Variants in RBM44 observed in about 807,000 individuals in gnomAD.
RBM44 encodes the protein RNA-binding protein 44.
A neutral mutation model predicts 105.1 loss-of-function variants in RBM44; 66 were observed. That is an observed-to-expected ratio of 0.63 (90% confidence interval 0.52 to 0.77). The LOEUF is 0.77. Among genes scored for constraint, RBM44 ranks in the 30% least tolerant of loss-of-function variants. The pLI, the probability that RBM44 is intolerant of heterozygous loss-of-function variation, is 0.00. For missense variants in RBM44, 1,122 were observed against 1,207.8 expected, an observed-to-expected ratio of 0.93 and a Z score of 1.05; for synonymous variants, 365 against 417.6, an observed-to-expected ratio of 0.87 and a Z score of 1.54.
At chr2:237,821,880 TAAA>T in intron 8 of RBM44, 53 bp downstream of exon 8, 4 of 1,197,644 alleles carry the variant, frequency 3.3e-6, no homozygotes, top group Non-Finnish European at 4.9e-6. Context: ...ATGGTTTACG[TAAA>T]GTAAATCATA....
At chr2:237,839,613 C>A (rs906902597) in intron 15 of RBM44, among the ~76,000 whole-genome samples, 1 of 152,092 alleles carries the variant, frequency 6.6e-6, no homozygotes, top group African/African-American at 2.4e-5. Flanking sequence ...TGAAGTTGGA[C>A]CTTTACCTTA....
rs2061816076 is a variant in RBM44 at position 237,823,508 on chromosome 2, T to C, written c.2274T>C (p.Asn758=). ...CACCCAAGAAAGATGACTTTAAAAA[T>C]GGTGATATAAATGCAGACTTTAGTC... ...NISPKKDDFK[N]GDINADFSQL... is the part of the protein sequence containing the mutation. Residue 758 remains asparagine, a synonymous_variant, in exon 9 of 16, where the codon AAT becomes AAC. Transcript: ENST00000316997. 1.3e-6 allele frequency: 2 copies of C among 1,542,494 alleles called. No homozygotes were observed. Among genetic ancestry groups the C allele is most frequent in the Non-Finnish European group, 1.8e-6 (2 of 1,137,166 alleles).
intron 4 of RBM44, among the ~76,000 whole-genome samples, chr2:237,819,401 G>A (rs1193808580): frequency 6.6e-6 from 1 of 152,080 alleles, no homozygotes; most frequent in African/African-American, 2.4e-5. Context: ...TCAGAACACA[G>A]TGGAGAACCA....
At position 237,818,978 on chromosome 2, in the gene RBM44, C is replaced by G; in HGVS notation, c.1736+19C>G. ...CTGAGAGGTACATCATTTATATATG[C>G]TTACAGATACATCTGGAAGAAAAAA... On this transcript the variant is annotated intron_variant, in intron 4 of 15. Coordinates refer to ENST00000316997, the MANE Select transcript of RBM44 (RefSeq NM_001080504.3). The surrounding 1 kb of genome is among the most constrained non-coding windows in gnomAD (Gnocchi z 4.6). The G allele has an allele frequency of 7.8e-7, 1 of 1,279,828 alleles. No homozygotes were observed. Among genetic ancestry groups the G allele is most frequent in the Non-Finnish European group, 1.1e-6 (1 of 916,856 alleles). 79.3% of individuals were successfully genotyped at this position (1,279,828 alleles called of 1,614,324 possible).
At chr2:237,826,758 G>A (rs1004848350) in intron 10 of RBM44, among the ~76,000 whole-genome samples, 2 of 151,950 alleles carry the variant, frequency 1.3e-5, no homozygotes, top group African/African-American at 4.8e-5. Flanking sequence ...GACTTTTTGG[G>A]AGGCTCATTA....
chr2:237,804,947 G>C (rs2061583503), intron 1 of RBM44, among the ~76,000 whole-genome samples: 1 of 152,204 alleles, frequency 6.6e-6, no homozygotes, highest in Admixed American at 6.5e-5. Context: ...AGACAAGGAT[G>C]CTCACTTTCA....
intron 1 of RBM44, among the ~76,000 whole-genome samples, chr2:237,799,658 A>C (rs1393509668): frequency 6.6e-6 from 1 of 152,232 alleles, no homozygotes; most frequent in African/African-American, 2.4e-5. Flanking sequence ...GAAGACACCA[A>C]GTGCCAAGGC....
At chr2:237,812,076 G>A (rs2061665255) in intron 1 of RBM44, among the ~76,000 whole-genome samples, 2 of 151,950 alleles carry the variant, frequency 1.3e-5, no homozygotes, top group South Asian at 2.1e-4. Flanking sequence ...GCCTAGTCTC[G>A]AACTCCTGAG....
chr2:237,824,826 A>G (rs2061831508), intron 10 of RBM44, among the ~76,000 whole-genome samples: 1 of 152,164 alleles, frequency 6.6e-6, no homozygotes, highest in Non-Finnish European at 1.5e-5. Context: ...TCTTATTTCA[A>G]TAATTTTAGG....
intron 15 of RBM44, 76 bp downstream of exon 15, chr2:237,834,499 TA>T (rs879511524): frequency 1.8e-5 from 12 of 672,584 alleles, no homozygotes; most frequent in Non-Finnish European, 2.3e-5. Flanking sequence ...TCTTTTTACA[TA>T]AAAAACATAT....
intron 1 of RBM44, among the ~76,000 whole-genome samples, chr2:237,809,140 A>C (rs1406047033): frequency 6.6e-6 from 1 of 152,116 alleles, no homozygotes; most frequent in African/African-American, 2.4e-5. Flanking sequence ...TTTAATTTAC[A>C]TTTTTGACAG....
intron 1 of RBM44, among the ~76,000 whole-genome samples, chr2:237,813,191 G>T (rs568056375): frequency 6.6e-6 from 1 of 152,020 alleles, no homozygotes; most frequent in African/African-American, 2.4e-5. Flanking sequence ...TGCTTTGGAC[G>T]TTTTACTTAA....
chr2:237,838,427 A>T (rs1291551953), intron 15 of RBM44, among the ~76,000 whole-genome samples: 2 of 152,238 alleles, frequency 1.3e-5, no homozygotes, highest in Admixed American at 1.3e-4. Context: ...TTTTAAATGA[A>T]AGGTCAGAGG....
chr2:237,825,401 T>TA (rs1400482712), intron 10 of RBM44, among the ~76,000 whole-genome samples: 1 of 152,178 alleles, frequency 6.6e-6, no homozygotes, highest in Non-Finnish European at 1.5e-5. Flanking sequence ...TGACGGGGTT[T>TA]CACCAGGTTG....
intron 15 of RBM44, among the ~76,000 whole-genome samples, chr2:237,838,534 ATATAAT>A (rs1482240989): frequency 6.6e-6 from 1 of 152,218 alleles, no homozygotes; most frequent in Non-Finnish European, 1.5e-5. Context: ...ATAGGTTCTA[ATATAAT>A]TAAAATACAT....
In RBM44 at chr2:237,804,416, G is replaced by A. The variant is rs370762183; in HGVS notation, c.-19+5555G>A. ...GGACTAATTTACATTCCCACCAACA[G>A]TTCCCCTTTCTCCACAGCCTTGCCA... On this transcript the variant is annotated intron_variant, in intron 1 of 15. Transcript: ENST00000316997. Among the ~76,000 whole-genome samples the A allele has an allele frequency of 5.1e-4, 77 of 152,348 alleles. 1 individual carries two copies. In the South Asian group the frequency reaches 0.016, roughly 31 times the overall value.
chr2:237,815,978 G>C (rs2061710620), intron 2 of RBM44, among the ~76,000 whole-genome samples: 1 of 152,078 alleles, frequency 6.6e-6, no homozygotes, highest in Non-Finnish European at 1.5e-5. Flanking sequence ...CTTAGAATAA[G>C]AGCCAAACTT....
intron 1 of RBM44, among the ~76,000 whole-genome samples, chr2:237,800,902 A>G (rs1385424212): frequency 3.3e-5 from 5 of 152,074 alleles, no homozygotes. Flanking sequence ...TATTTTTAGT[A>G]GAGACGGGTT....
At chr2:237,804,809 C>T (rs1328332424) in intron 1 of RBM44, among the ~76,000 whole-genome samples, 1 of 152,104 alleles carries the variant, frequency 6.6e-6, no homozygotes, top group Non-Finnish European at 1.5e-5. Context: ...TAATTAGGTG[C>T]CACTTGTCTT....
Sources: allele counts gnomAD v4.1 joint callset (sites outside exome capture counted in the v4.1 genomes callset), GRCh38; gene constraint gnomAD v4.1.1; non-coding constraint Gnocchi (gnomAD v3.1); transcripts MANE v1.5; gene names NCBI Gene and HGNC (gene_info 2026-07-23, HGNC 2026-07-21).